Variants in SMG6 observed in about 807,000 individuals in gnomAD.
The protein encoded by SMG6 is telomerase-binding protein EST1A.
SMG6 carries 66 observed loss-of-function variants against 142.2 expected under a neutral mutation model. The observed-to-expected ratio is 0.46, with a 90% CI of 0.38 to 0.57. The LOEUF is 0.57. Ranked by LOEUF, SMG6 falls within the 20% of genes least tolerant of loss-of-function variation. The pLI, the probability that SMG6 is intolerant of heterozygous loss-of-function variation, is 0.00. For missense variants in SMG6, 1,793 were observed against 1,832.0 expected (o/e 0.98, Z 0.39); for synonymous variants, 779 against 702.4 (o/e 1.11, Z -1.72).
intron 10 of SMG6, among the ~76,000 whole-genome samples, chr17:2,200,715 T>C (rs1246499270): frequency 2.0e-5 from 3 of 152,120 alleles, no homozygotes; most frequent in Non-Finnish European, 4.4e-5. Flanking sequence ...TTTAATTTTA[T>C]TTATTTATGA....
chr17:2,287,665 T>C (rs959785092), intron 6 of SMG6, among the ~76,000 whole-genome samples: 2 of 152,102 alleles, frequency 1.3e-5, no homozygotes, highest in Non-Finnish European at 2.9e-5. Context: ...CATCAATGGG[T>C]GAACGTACAT....
At chr17:2,178,898 G>A (rs926040316) in intron 12 of SMG6, among the ~76,000 whole-genome samples, 10 of 152,142 alleles carry the variant, frequency 6.6e-5, no homozygotes, top group African/African-American at 2.4e-4. Flanking sequence ...ACTCCAACAC[G>A]TCTTCTTAGC....
At chr17:2,066,694 C>CACACACAA (rs1375441508) in intron 16 of SMG6, among the ~76,000 whole-genome samples, 1 of 150,750 alleles carries the variant, frequency 6.6e-6, no homozygotes, top group African/African-American at 2.4e-5. Flanking sequence ...CACACACACA[C>CACACACAA]AATGCCCATG....
chr17:2,242,602 C>T (rs970948617), intron 9 of SMG6, among the ~76,000 whole-genome samples: 6 of 143,542 alleles, frequency 4.2e-5, no homozygotes, highest in Non-Finnish European at 6.0e-5. Flanking sequence ...GGCTGAGCCA[C>T]GAGTTCAAGG....
At position 2,297,298 on chromosome 17, in the gene SMG6, T is replaced by C; in HGVS notation, c.2096A>G (p.Lys699Arg). The C allele has an allele frequency of 1.9e-6, 3 of 1,613,814 alleles. No individual in the cohort carries two copies. Among genetic ancestry groups the C allele is most frequent in the Non-Finnish European group, 2.5e-6 (3 of 1,179,904 alleles). ...AAGACCATCCATGTAGTCTTCCAGT[T>C]TGAACTTGTAAGTAACCTGCAGCTT... ...LQKLQVTYKF[K>R]LEDYMDGLAI... Residue 699 changes from lysine to arginine, a missense_variant, in exon 4 of 19, where the codon AAA (lysine) becomes AGA (arginine). Transcript: ENST00000263073.
intron 13 of SMG6, among the ~76,000 whole-genome samples, chr17:2,172,169 T>A (rs566857837): frequency 1.3e-5 from 2 of 152,252 alleles, no homozygotes; most frequent in South Asian, 4.1e-4. Flanking sequence ...CAGTGGGGAA[T>A]GCTTCATATT....
At chr17:2,165,018 T>G (rs1057264706) in intron 13 of SMG6, among the ~76,000 whole-genome samples, 6 of 152,174 alleles carry the variant, frequency 3.9e-5, no homozygotes, top group Non-Finnish European at 7.3e-5. Flanking sequence ...TTTTAGAGAT[T>G]GAAGACATAA....
rs75150807 is a variant in SMG6, at chr17:2,113,178, C to T, written c.3358-27277G>A. ...CCTCCCAGGCTCCAGTGATCCTCCC[C>T]GCGACTTCAGCCTCCTGATTAGTGA... On this transcript the variant is annotated intron_variant, in intron 13 of 18. Transcript: ENST00000263073. 1.4e-4 allele frequency among the ~76,000 whole-genome samples: 22 copies of T among 152,224 alleles called. No homozygotes were observed. The East Asian group carries it at 3.1e-3, about 21-fold the overall frequency.
intron 13 of SMG6, chr17:2,087,232 C>A: frequency 7.8e-7 from 1 of 1,289,784 alleles, no homozygotes; most frequent in Non-Finnish European, 1.0e-6. Flanking sequence ...ACAGTAAAGA[C>A]GGACAGCCCA....
In SMG6 at chr17:2,299,249, G is replaced by T. The variant is rs145406772; in HGVS notation, c.1504C>A (p.Gln502Lys). 1.2e-6 allele frequency: 2 copies of T among 1,613,918 alleles called. No homozygotes were observed. The highest frequency in any genetic ancestry group is 2.7e-5 in the African/African-American group (2 of 74,872). ...RQAQASYYKF[Q>K]NSDNPYYYPR... Reference sequence around the variant, plus strand: ...TAATAATAGGGGTTGTCAGAGTTTTGAAACTTATAGTAAGATGCCTGAGCC... The same window carrying T: ...TAATAATAGGGGTTGTCAGAGTTTTTAAACTTATAGTAAGATGCCTGAGCC... The change falls in exon 2 of 19, where the codon CAA becomes AAA. Residue 502 changes from glutamine to lysine, a missense_variant. Transcript: ENST00000263073. This position sits in a 1 kb window ranked among gnomAD's most constrained non-coding sequence, Gnocchi z 4.3.
chr17:2,255,784 T>C (rs1470480326), intron 8 of SMG6: 1 of 214,552 alleles, frequency 4.7e-6, no homozygotes, highest in South Asian at 6.3e-5. Flanking sequence ...AGATTGTTGC[T>C]GTGTCTGTGT....
chr17:2,269,919 T>C (rs2074509954), intron 8 of SMG6, among the ~76,000 whole-genome samples: 1 of 152,024 alleles, frequency 6.6e-6, no homozygotes, highest in African/African-American at 2.4e-5. Context: ...ATCCTAGTGC[T>C]TTGGGAGGTC....
intron 12 of SMG6, among the ~76,000 whole-genome samples, chr17:2,182,542 G>C (rs1426180224): frequency 2.0e-5 from 3 of 152,052 alleles, no homozygotes; most frequent in African/African-American, 7.3e-5. Flanking sequence ...GAAAGAAAAG[G>C]GGAAGAATCA....
At chr17:2,113,648 T>C (rs755606780) in intron 13 of SMG6, among the ~76,000 whole-genome samples, 2 of 152,230 alleles carry the variant, frequency 1.3e-5, no homozygotes, top group Admixed American at 6.5e-5. Flanking sequence ...CTAAAACCCA[T>C]GGCCTCAAAA....
At chr17:2,178,992 C>G (rs1014201932) in intron 12 of SMG6, among the ~76,000 whole-genome samples, 1 of 152,210 alleles carries the variant, frequency 6.6e-6, no homozygotes, top group Non-Finnish European at 1.5e-5. Flanking sequence ...CTGCTGGGGT[C>G]AGACTGGAGC....
chr17:2,233,254 G>C (rs188584408), intron 10 of SMG6: 81 of 152,390 alleles, frequency 5.3e-4, no homozygotes, highest in African/African-American at 1.9e-3. Flanking sequence ...GATCACTTCT[G>C]CTTCCGGCTG....
intron 13 of SMG6, among the ~76,000 whole-genome samples, chr17:2,156,549 G>C (rs892673511): frequency 6.6e-6 from 1 of 152,100 alleles, no homozygotes; most frequent in African/African-American, 2.4e-5. Context: ...ACATCAGCCT[G>C]TCAGATGCAA....
At chr17:2,260,425 C>T (rs1024591392) in intron 8 of SMG6, among the ~76,000 whole-genome samples, 4 of 152,228 alleles carry the variant, frequency 2.6e-5, no homozygotes, top group Admixed American at 2.6e-4. Context: ...CTGCTTCCAG[C>T]TAGTTTTTTT....
Position 2,299,629 on chromosome 17 carries a change from C to G in SMG6, c.1124G>C (p.Arg375Thr), listed in dbSNP as rs1259967862. 1 of 1,614,204 alleles carries G rather than the reference C, an allele frequency of 6.2e-7. No individual in the cohort carries two copies. The highest frequency in any genetic ancestry group is 1.3e-5 in the African/African-American group (1 of 75,048). The change falls in exon 2 of 19, where the codon AGA becomes ACA. Residue 375 changes from arginine (R) to threonine (T), a missense_variant. Around this residue, in one of 3 missense-constraint regions of SMG6, gnomAD observed 1,597 missense variants for 1,584.6 expected, o/e 1.01. Coordinates refer to ENST00000263073, the MANE Select transcript of SMG6 (RefSeq NM_017575.5). This position sits in a 1 kb window ranked among gnomAD's most constrained non-coding sequence, Gnocchi z 4.3. The stretch of plus-strand genomic sequence containing the variant: ...GCTCAAGCCTTTGTCAGGCTTTCCT[C>G]TATCCATATCATCCCTGGCTGACCT... Reference protein sequence around the residue: ...MVRSARDDMDRGKPDKGLSSG... With the variant: ...MVRSARDDMDTGKPDKGLSSG...
Sources: allele counts gnomAD v4.1 joint callset (sites outside exome capture counted in the v4.1 genomes callset), GRCh38; gene constraint gnomAD v4.1.1; regional missense constraint gnomAD v4.1.1; non-coding constraint Gnocchi (gnomAD v3.1); transcripts MANE v1.5; gene names NCBI Gene and HGNC (gene_info 2026-07-23, HGNC 2026-07-21).